The following RAPGEF6 variants were observed in gnomAD, a reference collection of about 807,000 sequenced individuals.
RAPGEF6 encodes PDZ domain containing guanine nucleotide exchange factor (GEF) 2.
A neutral mutation model predicts 171.4 loss-of-function variants in RAPGEF6; 56 were observed. The observed-to-expected ratio is 0.33, with a 90% CI of 0.26 to 0.41. The LOEUF (loss-of-function observed/expected upper bound fraction) is 0.41. Among genes scored for constraint, RAPGEF6 ranks in the 10% least tolerant of loss-of-function variants. The probability of loss-of-function intolerance (pLI) is 1.00; values close to 1 mark genes in which losing one functional copy is unlikely to be tolerated. For synonymous variants in RAPGEF6, 692 were observed against 650.1 expected (o/e 1.06, Z -0.98); for missense variants, 1,674 against 1,921.4 (o/e 0.87, Z 2.41).
At chr5:131,488,155 T>C (rs1272092257) in intron 15 of RAPGEF6, among the ~76,000 whole-genome samples, 1 of 152,156 alleles carries the variant, frequency 6.6e-6, no homozygotes, top group Non-Finnish European at 1.5e-5. Context: ...TAGGGTTCTG[T>C]TGGCCAACTG....
At chr5:131,491,970 A>AGAAGC (rs1324941379) in intron 14 of RAPGEF6, among the ~76,000 whole-genome samples, 12 of 152,192 alleles carry the variant, frequency 7.9e-5, no homozygotes, top group Non-Finnish European at 1.8e-4. Flanking sequence ...TGAGAATTAC[A>AGAAGC]TTTTTTATGT....
intron 24 of RAPGEF6, chr5:131,436,521 A>G: frequency 1.3e-6 from 1 of 761,052 alleles, no homozygotes; most frequent in East Asian, 2.7e-5. Context: ...TAATGCATGG[A>G]AAAAAATCTA....
intron 24 of RAPGEF6, among the ~76,000 whole-genome samples, chr5:131,439,284 T>C (rs1366325632): frequency 6.6e-6 from 1 of 152,220 alleles, no homozygotes; most frequent in Admixed American, 6.5e-5. Flanking sequence ...TATAGGAAAC[T>C]GGAATGATAA....
In RAPGEF6 at chr5:131,448,497, G is replaced by T. The variant is rs562899870; in HGVS notation, c.3201-1794C>A. On this transcript the variant is annotated intron_variant, in intron 21 of 27. Coordinates refer to ENST00000509018, the MANE Select transcript of RAPGEF6 (RefSeq NM_016340.6). ...AATAACAATATGTCCAACAATTGAC[G>T]TTGTCTTGAATTCAAAGAAATGCAG... 6.6e-5 allele frequency among the ~76,000 whole-genome samples: 10 copies of T among 152,182 alleles called. No homozygotes were observed. The South Asian group carries it at 2.1e-3, about 32-fold the overall frequency.
At chr5:131,586,646 T>C (rs563613704) in intron 4 of RAPGEF6, among the ~76,000 whole-genome samples, 1 of 152,188 alleles carries the variant, frequency 6.6e-6, no homozygotes, top group South Asian at 2.1e-4. Context: ...AAAAAAGTCA[T>C]TCTAATGAAA....
intron 4 of RAPGEF6, among the ~76,000 whole-genome samples, chr5:131,577,122 G>A (rs894825908): frequency 2.0e-5 from 3 of 152,100 alleles, no homozygotes; most frequent in South Asian, 2.1e-4. Context: ...GAAGGCCACC[G>A]CAGTCATTTC....
At chr5:131,585,354 G>C (rs1401843741) in intron 4 of RAPGEF6, among the ~76,000 whole-genome samples, 1 of 150,810 alleles carries the variant, frequency 6.6e-6, no homozygotes. Flanking sequence ...CCATGGCCTT[G>C]TGAAAGCAAA....
At chr5:131,516,642 T>C (rs1001149598) in intron 7 of RAPGEF6, among the ~76,000 whole-genome samples, 1 of 152,182 alleles carries the variant, frequency 6.6e-6, no homozygotes, top group African/African-American at 2.4e-5. Context: ...GAGTCAATAT[T>C]TCACAGTTTT....
intron 3 of RAPGEF6, among the ~76,000 whole-genome samples, chr5:131,602,257 AGCCTATT>A (rs1764302572): frequency 1.3e-5 from 2 of 152,170 alleles, no homozygotes; most frequent in Non-Finnish European, 2.9e-5. Context: ...TATATGGTAT[AGCCTATT>A]GCTCCTAGTT....
At chr5:131,490,550 G>C (rs1236420541) in intron 14 of RAPGEF6, among the ~76,000 whole-genome samples, 1 of 152,060 alleles carries the variant, frequency 6.6e-6, no homozygotes, top group African/African-American at 2.4e-5. Flanking sequence ...ATCATTGTGG[G>C]AAGATAACCC....
chr5:131,588,315 A>C (rs1003651549), intron 4 of RAPGEF6, among the ~76,000 whole-genome samples: 2 of 152,206 alleles, frequency 1.3e-5, no homozygotes, highest in Admixed American at 6.5e-5. Flanking sequence ...GGCCCACGTG[A>C]CTGATTCCAA....
intron 3 of RAPGEF6, among the ~76,000 whole-genome samples, chr5:131,602,387 G>A (rs1436703766): frequency 6.6e-6 from 1 of 152,080 alleles, no homozygotes; most frequent in Non-Finnish European, 1.5e-5. Flanking sequence ...TTATTCCTAG[G>A]AATATCCTCA....
At chr5:131,447,080 C>T (rs977122009) in intron 21 of RAPGEF6, 6 of 173,626 alleles carry the variant, frequency 3.5e-5, no homozygotes, top group Admixed American at 1.7e-4. Flanking sequence ...CATCCTCAGC[C>T]GAATCTCTGA....
At chr5:131,471,706 C>T (rs1455008959) in intron 17 of RAPGEF6, among the ~76,000 whole-genome samples, 2 of 151,864 alleles carry the variant, frequency 1.3e-5, no homozygotes, top group East Asian at 3.9e-4. Flanking sequence ...GATTATATAA[C>T]TGTGACAATT....
chr5:131,496,726 G>A (rs547096189), intron 12 of RAPGEF6, among the ~76,000 whole-genome samples: 88 of 152,120 alleles, frequency 5.8e-4, no homozygotes, highest in African/African-American at 1.8e-3. Flanking sequence ...TTTATTGTAC[G>A]GCTATACCAC....
In RAPGEF6 at chr5:131,563,667, G is replaced by A. The variant is rs143006666; in HGVS notation, c.282-1620C>T. ...ACAGGCATGCACTACCATGCCTGGC[G>A]AATTTTTTAAATTTTTTGTAGAGAC... On this transcript the variant is annotated intron_variant, in intron 4 of 27. Coordinates refer to ENST00000509018, the MANE Select transcript of RAPGEF6 (RefSeq NM_016340.6). Among the ~76,000 whole-genome samples, 368 of 152,086 alleles carry A rather than the reference G, an allele frequency of 2.4e-3. 1 individual carries two copies. Among genetic ancestry groups the A allele is most frequent in the Non-Finnish European group, 3.5e-3 (239 of 67,976 alleles).
rs548643891 is a variant in RAPGEF6, at chr5:131,470,016, G to C, written c.2239+2571C>G. 3.3e-5 allele frequency among the ~76,000 whole-genome samples: 5 copies of C among 152,002 alleles called. No individual in the cohort carries two copies. In the South Asian group the frequency reaches 1.0e-3, roughly 32 times the overall value. Reference sequence around the variant, plus strand: ...TATAATATACATATGTGATGTACATGGCTCATTTAAATTTTTGTGTTGTAT... The same window carrying C: ...TATAATATACATATGTGATGTACATCGCTCATTTAAATTTTTGTGTTGTAT... On this transcript the variant is annotated intron_variant, in intron 17 of 27. Transcript: ENST00000509018.
intron 6 of RAPGEF6, among the ~76,000 whole-genome samples, chr5:131,522,479 T>G (rs1254505335): frequency 6.6e-6 from 1 of 152,208 alleles, no homozygotes; most frequent in Non-Finnish European, 1.5e-5. Context: ...ACACACATAG[T>G]GTATATTAAA....
intron 4 of RAPGEF6, among the ~76,000 whole-genome samples, chr5:131,564,610 C>T (rs1453028829): frequency 6.6e-6 from 1 of 151,960 alleles, no homozygotes; most frequent in African/African-American, 2.4e-5. Context: ...AATAAAGAAA[C>T]AAGCAACAAC....
Sources: gnomAD v4.1 joint callset for allele counts (sites outside exome capture counted in the v4.1 genomes callset) on GRCh38, gnomAD v4.1.1 for gene constraint, MANE v1.5 for transcripts, NCBI Gene and HGNC (gene_info 2026-07-23, HGNC 2026-07-21) for gene names.